IMMP2L: variants seen among roughly 807,000 people sequenced by gnomAD.
The protein encoded by IMMP2L is inner mitochondrial membrane peptidase subunit 2, also known as mitochondrial inner membrane protease subunit 2.
Under a neutral mutation model 19.3 loss-of-function variants are expected in IMMP2L, and 18 were observed. The observed-to-expected ratio is 0.93, with a 90% CI of 0.64 to 1.38. The LOEUF (loss-of-function observed/expected upper bound fraction) is 1.38, where lower values mean the gene tolerates loss of function less well. Ranked by LOEUF, IMMP2L falls within the 40% of genes most tolerant of loss-of-function variation. The pLI is 0.00. For missense variants in IMMP2L, 233 were observed against 218.2 expected (o/e 1.07, Z -0.43); for synonymous variants, 76 against 73.0 (o/e 1.04, Z -0.21).
At chr7:111,184,689 G>T (rs892708467) in intron 3 of IMMP2L, among the ~76,000 whole-genome samples, 1 of 152,014 alleles carries the variant, frequency 6.6e-6, no homozygotes, top group Non-Finnish European at 1.5e-5. Context: ...CCTGACTTCT[G>T]TTGTTACCTA....
At position 111,517,337 on chromosome 7, in the gene IMMP2L, T is replaced by C. The variant is rs935650086; in HGVS notation, c.135+3976A>G. ...TTCTGCATACATTATCTCTAAGGTC[T>C]GACCTAGAGATACAGTATTGTGTAG... On this transcript the variant is annotated intron_variant, in intron 2 of 5. Coordinates refer to ENST00000405709, the MANE Select transcript of IMMP2L (RefSeq NM_032549.4). Among the ~76,000 whole-genome samples the C allele has an allele frequency of 5.9e-5, 9 of 152,140 alleles. No homozygotes were observed. The East Asian group carries it at 1.7e-3, about 29-fold the overall frequency.
intron 3 of IMMP2L, among the ~76,000 whole-genome samples, chr7:111,233,874 A>G (rs2129625519): frequency 6.6e-6 from 1 of 152,220 alleles, no homozygotes; most frequent in South Asian, 2.1e-4. Flanking sequence ...AAAAATTAAA[A>G]TTATAGAATA....
rs914792903 is a variant in IMMP2L at position 110,981,470 on chromosome 7, C to A, written c.240-17905G>T. ...TGAAATTAACAATTATAACTATACT[C>A]CTGGAGCATGAAAAAATGTTTAAAA... On this transcript the variant is annotated intron_variant, in intron 3 of 5. Coordinates refer to ENST00000405709, the MANE Select transcript of IMMP2L (RefSeq NM_032549.4). Among the ~76,000 whole-genome samples, 7 of 151,572 alleles carry A rather than the reference C, an allele frequency of 4.6e-5. No individual in the cohort carries two copies. In the East Asian group the frequency reaches 1.2e-3, roughly 25 times the overall value.
chr7:111,226,455 A>G (rs1813114926), intron 3 of IMMP2L, among the ~76,000 whole-genome samples: 1 of 152,222 alleles, frequency 6.6e-6, no homozygotes, highest in South Asian at 2.1e-4. Context: ...GATGTGAGCC[A>G]CCATGCCTGG....
intron 3 of IMMP2L, among the ~76,000 whole-genome samples, chr7:111,243,802 T>C (rs1287972299): frequency 5.8e-5 from 2 of 34,192 alleles, no homozygotes; most frequent in Non-Finnish European, 1.1e-4. Context: ...TTACTGAGAA[T>C]GATGGTTTCC....
Position 111,123,160 on chromosome 7 carries a change from GA to G in IMMP2L, c.240-159596del. 1.2e-6 allele frequency: 2 copies of G among 1,613,914 alleles called. No homozygotes were observed. The highest frequency in any genetic ancestry group is 1.7e-6 in the Non-Finnish European group (2 of 1,179,966). ...GTACCTAGAGGAAAACAAACTTACT[GA>G]ACTGCCTGAAAAATGTCTGTCCGAA... On this transcript the variant is annotated intron_variant, in intron 3 of 5. Coordinates refer to ENST00000405709, the MANE Select transcript of IMMP2L (RefSeq NM_032549.4). This position sits in a 1 kb window ranked among gnomAD's most constrained non-coding sequence, Gnocchi z 6.4.
intron 5 of IMMP2L, among the ~76,000 whole-genome samples, chr7:110,875,011 C>A (rs1011587619): frequency 2.0e-5 from 3 of 152,002 alleles, no homozygotes; most frequent in African/African-American, 7.2e-5. Flanking sequence ...AGGGTGGAAT[C>A]CTCATGGCCT....
chr7:110,742,394 T>C (rs1797043590), intron 5 of IMMP2L, among the ~76,000 whole-genome samples: 1 of 152,178 alleles, frequency 6.6e-6, no homozygotes, highest in Admixed American at 6.5e-5. Flanking sequence ...CCCAATGATA[T>C]TCATTATTAG....
chr7:110,703,337 A>G (rs1484429582), intron 5 of IMMP2L, among the ~76,000 whole-genome samples: 1 of 152,070 alleles, frequency 6.6e-6, no homozygotes, highest in Non-Finnish European at 1.5e-5. Flanking sequence ...TCAATCTGCT[A>G]ATATTTTCAT....
At chr7:111,301,921 TAAAAAAA>T (rs59156229) in intron 3 of IMMP2L, among the ~76,000 whole-genome samples, 1,667 of 83,136 alleles carry the variant, frequency 0.02, 22 homozygotes, top group Middle Eastern at 0.073. Flanking sequence ...TTTCATGCTT[TAAAAAAA>T]AAAAAAAAAA....
At chr7:110,699,568 C>G (rs889234052) in intron 5 of IMMP2L, among the ~76,000 whole-genome samples, 1 of 151,968 alleles carries the variant, frequency 6.6e-6, no homozygotes, top group Non-Finnish European at 1.5e-5. Flanking sequence ...GTCAGGAGTT[C>G]GAGACCAGCC....
intron 3 of IMMP2L, among the ~76,000 whole-genome samples, chr7:111,103,881 C>T (rs1798249615): frequency 6.6e-6 from 1 of 151,524 alleles, no homozygotes; most frequent in Admixed American, 6.6e-5. Context: ...AGAGTCCATG[C>T]CTGATCCCTT....
At chr7:111,150,559 T>G (rs1459426149) in intron 3 of IMMP2L, among the ~76,000 whole-genome samples, 5 of 152,158 alleles carry the variant, frequency 3.3e-5, no homozygotes, top group Admixed American at 2.0e-4. Flanking sequence ...GCTTCACAAT[T>G]CAAACATGAA....
intron 4 of IMMP2L, among the ~76,000 whole-genome samples, chr7:110,893,606 T>C (rs897594220): frequency 1.3e-5 from 2 of 152,162 alleles, no homozygotes; most frequent in Non-Finnish European, 2.9e-5. Context: ...ATTCAGGGGG[T>C]ACATGTGCAG....
At chr7:111,178,999 G>A (rs764049465) in intron 3 of IMMP2L, among the ~76,000 whole-genome samples, 1 of 151,958 alleles carries the variant, frequency 6.6e-6, no homozygotes, top group Non-Finnish European at 1.5e-5. Flanking sequence ...GCCATCGGCA[G>A]AATCATTATT....
At chr7:110,827,600 C>G (rs902865401) in intron 5 of IMMP2L, among the ~76,000 whole-genome samples, 1 of 152,118 alleles carries the variant, frequency 6.6e-6, no homozygotes, top group Non-Finnish European at 1.5e-5. Context: ...TGTAACAGTA[C>G]TTTGTACAAA....
intron 4 of IMMP2L, among the ~76,000 whole-genome samples, chr7:110,897,454 C>T (rs904622172): frequency 6.6e-6 from 1 of 152,100 alleles, no homozygotes; most frequent in Non-Finnish European, 1.5e-5. Flanking sequence ...AAACATATTG[C>T]TGGCATAGGT....
intron 3 of IMMP2L, among the ~76,000 whole-genome samples, chr7:111,254,554 G>T (rs1317605871): frequency 6.6e-6 from 1 of 152,020 alleles, no homozygotes; most frequent in East Asian, 1.9e-4. Context: ...CAGAATATCT[G>T]ATACCTAGTT....
At chr7:110,864,578 T>C (rs1055146813) in intron 5 of IMMP2L, among the ~76,000 whole-genome samples, 1 of 152,104 alleles carries the variant, frequency 6.6e-6, no homozygotes, top group African/African-American at 2.4e-5. Context: ...GTTGTTGTTA[T>C]CAAAATCACC....
Sources: allele counts gnomAD v4.1 joint callset (sites outside exome capture counted in the v4.1 genomes callset), GRCh38; gene constraint gnomAD v4.1.1; non-coding constraint Gnocchi (gnomAD v3.1); transcripts MANE v1.5; gene names NCBI Gene and HGNC (gene_info 2026-07-23, HGNC 2026-07-21).